The following ZC3H8 variants were observed in gnomAD, a reference collection of about 807,000 sequenced individuals.
ZC3H8 encodes zinc finger CCCH-type containing 8, also known as zinc finger CCCH domain-containing protein 8.
ZC3H8 carries 27 observed loss-of-function variants against 42.5 expected under a neutral mutation model. The ratio of observed to expected loss-of-function variants is 0.64; its 90% CI spans 0.47 to 0.88. The LOEUF is 0.88. ZC3H8 is among the 40% of genes least tolerant of loss of function. The pLI is 0.00. For missense variants in ZC3H8, 277 were observed against 336.1 expected (o/e 0.82, Z 1.37); for synonymous variants, 101 against 110.1 (o/e 0.92, Z 0.52).
chr2:112,224,302 C>T (rs1684722300), intron 8 of ZC3H8, among the ~76,000 whole-genome samples: 1 of 152,118 alleles, frequency 6.6e-6, no homozygotes, highest in Admixed American at 6.6e-5. Flanking sequence ...AAACTCTGGT[C>T]ATGTCAAAAA....
In ZC3H8 at chr2:112,238,354, C is replaced by A; in HGVS notation, c.331G>T (p.Glu111Ter). 1 of 1,613,694 alleles carries A rather than the reference C, an allele frequency of 6.2e-7. No homozygotes were observed. Among genetic ancestry groups the A allele is most frequent in the South Asian group, 1.1e-5 (1 of 91,074 alleles). The stretch of plus-strand genomic sequence containing the variant: ...TTTACTCCTTCTTTCTTTGTAGATT[C>A]TTCAGGTTGAGCAGCATTTGCCATT... ...REMANAAQPE[E>*]STKKEGVKDT... The change falls in exon 3 of 9, where the codon GAA becomes TAA. Residue 111 changes from glutamate (E) to a stop codon, truncating the protein, a stop_gained. Coordinates refer to ENST00000409573, the MANE Select transcript of ZC3H8 (RefSeq NM_032494.3). LOFTEE classifies it high-confidence loss of function.
At chr2:112,243,669 A>T (rs956049441) in intron 2 of ZC3H8, among the ~76,000 whole-genome samples, 1 of 152,204 alleles carries the variant, frequency 6.6e-6, no homozygotes, top group Non-Finnish European at 1.5e-5. Flanking sequence ...TGTGTTGTGG[A>T]AACTTGTTTT....
At chr2:112,234,056 A>C in intron 5 of ZC3H8, 64 bp downstream of exon 5, 1 of 949,474 alleles carries the variant, frequency 1.1e-6, no homozygotes. Context: ...TATGAATTAA[A>C]AGAGTATCAA....
At chr2:112,222,390 G>C (rs1190773900) in intron 8 of ZC3H8, among the ~76,000 whole-genome samples, 1 of 152,192 alleles carries the variant, frequency 6.6e-6, no homozygotes, top group Non-Finnish European at 1.5e-5. Flanking sequence ...CAAGAGGTGG[G>C]GGGAGGGTGG....
intron 2 of ZC3H8, chr2:112,240,282 G>A (rs1256412124): frequency 6.6e-6 from 1 of 152,186 alleles, no homozygotes; most frequent in African/African-American, 2.4e-5. Flanking sequence ...TTGTGACAGA[G>A]ACAACATGGC....
At chr2:112,230,781 T>C (rs1685053020) in intron 8 of ZC3H8, 122 bp downstream of exon 8, 1 of 576,478 alleles carries the variant, frequency 1.7e-6, no homozygotes. Context: ...ATTTTATAAT[T>C]CTTTTTTAGT....
At position 112,254,911 on chromosome 2, in the gene ZC3H8, T is replaced by G; in HGVS notation, c.71A>C (p.Glu24Ala). The G allele has an allele frequency of 6.2e-7, 1 of 1,613,376 alleles. No individual in the cohort carries two copies. Among genetic ancestry groups the G allele is most frequent in the African/African-American group, 1.3e-5 (1 of 75,034 alleles). The change falls in exon 1 of 9, where the codon GAA (glutamate) becomes GCA (alanine). Residue 24 changes from glutamate (E) to alanine (A), a missense_variant. By Grantham distance (107) the Glu-to-Ala change is moderately radical. Transcript: ENST00000409573. ...ALGKTATDSD[E>A]RIDDEIDTEV... ...AGATGAAAAGATATGGGATCACCTTTCGTCAGAGTCCGTGGCCGTTTTGCC... is the reference window on the plus strand; with the variant it reads ...AGATGAAAAGATATGGGATCACCTTGCGTCAGAGTCCGTGGCCGTTTTGCC...
intron 8 of ZC3H8, among the ~76,000 whole-genome samples, chr2:112,230,537 C>A (rs972254613): frequency 6.6e-6 from 1 of 152,094 alleles, no homozygotes; most frequent in Non-Finnish European, 1.5e-5. Flanking sequence ...CATGCATCTA[C>A]ACGAATGAAT....
rs1458676891 is a variant in ZC3H8, at chr2:112,212,113, T to TA, written c.*4370dup. On this transcript the variant is annotated 3_prime_UTR_variant, in exon 9 of 9. Coordinates refer to ENST00000409573, the MANE Select transcript of ZC3H8 (RefSeq NM_032494.3). Reference sequence around the variant, plus strand: ...GGTCAAGGTCAAGGTGCTGGTATATTAGTGTGTGGTGAGGGCCTGCTTCCT... The same window carrying TA: ...GGTCAAGGTCAAGGTGCTGGTATATTAAGTGTGTGGTGAGGGCCTGCTTCCT... 1 of 152,268 alleles carries TA rather than the reference T, an allele frequency of 6.6e-6. No homozygotes were observed. The allele number at this position is 152,268 out of a possible 1,614,324, so 9.4% of individuals were successfully genotyped here. A position where few individuals can be genotyped will look rare whatever the true frequency, so the allele number is the denominator to read the frequency against.
At chr2:112,235,835 T>C (rs1038922664) in intron 4 of ZC3H8, among the ~76,000 whole-genome samples, 8 of 151,268 alleles carry the variant, frequency 5.3e-5, no homozygotes, top group Admixed American at 1.3e-4. Flanking sequence ...GGGACTTTAG[T>C]AGTAAAAAAT....
At chr2:112,236,308 A>T (rs1685332379) in intron 4 of ZC3H8, among the ~76,000 whole-genome samples, 1 of 152,210 alleles carries the variant, frequency 6.6e-6, no homozygotes, top group African/African-American at 2.4e-5. Context: ...GTGTGCATAT[A>T]TTCAGGAACA....
intron 2 of ZC3H8, among the ~76,000 whole-genome samples, chr2:112,247,988 T>C (rs528450804): frequency 6.6e-6 from 1 of 152,328 alleles, no homozygotes; most frequent in African/African-American, 2.4e-5. Context: ...TCCAAGAAGA[T>C]GAAGATACTG....
intron 8 of ZC3H8, among the ~76,000 whole-genome samples, chr2:112,225,235 A>C (rs547249980): frequency 9.2e-5 from 14 of 152,206 alleles, no homozygotes; most frequent in African/African-American, 3.4e-4. Flanking sequence ...CAAAATAGTT[A>C]ATTGTTAAAA....
chr2:112,247,089 A>C (rs918006772), intron 2 of ZC3H8, among the ~76,000 whole-genome samples: 1 of 152,252 alleles, frequency 6.6e-6, no homozygotes, highest in Admixed American at 6.5e-5. Flanking sequence ...TCTAAAATAT[A>C]ATGGTATTGG....
intron 1 of ZC3H8, among the ~76,000 whole-genome samples, chr2:112,254,567 G>T (rs1686060451): frequency 6.6e-6 from 1 of 152,250 alleles, no homozygotes; most frequent in South Asian, 2.1e-4. Context: ...GGTAAAGACA[G>T]ACGCTACGGG....
intron 3 of ZC3H8, among the ~76,000 whole-genome samples, chr2:112,237,054 C>A (rs1229967950): frequency 1.3e-5 from 2 of 152,158 alleles, no homozygotes; most frequent in Admixed American, 6.5e-5. Flanking sequence ...GAGTGAGAAC[C>A]TGTCGCAAAA....
intron 1 of ZC3H8, among the ~76,000 whole-genome samples, chr2:112,251,217 G>A (rs76336796): frequency 0.012 from 1,899 of 152,300 alleles, 14 homozygotes; most frequent in Middle Eastern, 0.027. Context: ...CCCATCTCAA[G>A]AGAACATGTT....
intron 2 of ZC3H8, 122 bp from the exon 3 acceptor site, chr2:112,238,650 G>A (rs1685452071): frequency 7.2e-6 from 5 of 696,248 alleles, no homozygotes; most frequent in Middle Eastern, 8.3e-4. Flanking sequence ...TAGGTACATG[G>A]GATTCATATA....
At chr2:112,246,544 A>G (rs985057937) in intron 2 of ZC3H8, among the ~76,000 whole-genome samples, 2 of 152,234 alleles carry the variant, frequency 1.3e-5, no homozygotes, top group African/African-American at 2.4e-5. Context: ...TCAAGACTTC[A>G]GTAGACGAAG....
Sources: allele counts gnomAD v4.1 joint callset (sites outside exome capture counted in the v4.1 genomes callset), GRCh38; gene constraint gnomAD v4.1.1; transcripts MANE v1.5; gene names NCBI Gene and HGNC (gene_info 2026-07-23, HGNC 2026-07-21).